Variants in OSBPL11 observed in about 807,000 individuals in gnomAD.
OSBPL11 encodes the protein oxysterol-binding protein-related protein 11.
In OSBPL11, 33 loss-of-function variants were observed where a neutral mutation model predicts 84.4. The observed-to-expected ratio is 0.39, with a 90% CI of 0.30 to 0.52. OSBPL11 has a LOEUF of 0.52. OSBPL11 is among the 20% of genes least tolerant of loss of function. The pLI is 0.72. For missense variants in OSBPL11, 736 were observed against 901.1 expected (o/e 0.82, Z 2.35); for synonymous variants, 276 against 310.2 (o/e 0.89, Z 1.16).
intron 10 of OSBPL11, among the ~76,000 whole-genome samples, chr3:125,544,472 C>A (rs961649144): frequency 2.6e-5 from 4 of 152,090 alleles, no homozygotes; most frequent in Admixed American, 6.6e-5. Context: ...TTAAATAATT[C>A]CCTTTAACAG....
At chr3:125,569,117 T>C (rs1936207318) in intron 5 of OSBPL11, among the ~76,000 whole-genome samples, 1 of 152,082 alleles carries the variant, frequency 6.6e-6, no homozygotes, top group African/African-American at 2.4e-5. Context: ...GCTAATTTTT[T>C]GTATTTTTTT....
At chr3:125,554,347 T>C (rs1047678406) in intron 8 of OSBPL11, among the ~76,000 whole-genome samples, 4 of 152,240 alleles carry the variant, frequency 2.6e-5, no homozygotes, top group Non-Finnish European at 5.9e-5. Flanking sequence ...TTAACTCCTT[T>C]TGGAGTCACC....
In OSBPL11 at chr3:125,576,256, T is replaced by C. The variant is rs1257142461; in HGVS notation, c.599A>G (p.His200Arg). The C allele has an allele frequency of 6.2e-7, 1 of 1,611,328 alleles. No individual in the cohort carries two copies. The highest frequency in any genetic ancestry group is 2.2e-5 in the East Asian group (1 of 44,610). ...QNAISFFNVGHSKLQSLSKRT... is the reference protein window; with the variant it reads ...QNAISFFNVGRSKLQSLSKRT... ...TTTGCTCAGTGATTGCAGTTTGGAA[T>C]GTCCAACATTAAAAAAAGAAATGGC... Residue 200 changes from histidine (H) to arginine (R), a missense_variant, in exon 5 of 13, where the codon CAT becomes CGT. By Grantham distance (29) the His-to-Arg change is conservative. Coordinates refer to ENST00000296220, the MANE Select transcript of OSBPL11 (RefSeq NM_022776.5).
At chr3:125,568,848 G>C (rs1476977842) in intron 5 of OSBPL11, among the ~76,000 whole-genome samples, 1 of 152,190 alleles carries the variant, frequency 6.6e-6, no homozygotes, top group African/African-American at 2.4e-5. Flanking sequence ...TGAGCAGAAG[G>C]CTCTCTAATG....
chr3:125,584,186 G>A (rs537546539), intron 1 of OSBPL11, among the ~76,000 whole-genome samples: 1 of 152,044 alleles, frequency 6.6e-6, no homozygotes, highest in Non-Finnish European at 1.5e-5. Flanking sequence ...CCAACATGGT[G>A]AAACCCCATC....
chr3:125,561,116 C>T (rs1471017374), intron 7 of OSBPL11, among the ~76,000 whole-genome samples: 1 of 151,824 alleles, frequency 6.6e-6, no homozygotes, highest in African/African-American at 2.4e-5. Context: ...TCCTGCCTCA[C>T]CCTCCCAAGT....
intron 1 of OSBPL11, among the ~76,000 whole-genome samples, chr3:125,584,757 T>A (rs1288789198): frequency 6.6e-6 from 1 of 152,198 alleles, no homozygotes; most frequent in Non-Finnish European, 1.5e-5. Context: ...AAAACAAAAT[T>A]TTTATTTCAA....
chr3:125,595,137 C>A lies in OSBPL11; in HGVS notation c.-337G>T. The A allele has an allele frequency of 5.3e-6, 1 of 187,032 alleles. No individual in the cohort carries two copies. Among genetic ancestry groups the A allele is most frequent in the Non-Finnish European group, 1.1e-5 (1 of 88,834 alleles). 11.6% of individuals were successfully genotyped at this position (187,032 alleles called of 1,614,324 possible). A position where few individuals can be genotyped will look rare whatever the true frequency, so the allele number is the denominator to read the frequency against. ...TGTGGGGAGGTCGCAGATTCTGTAG[C>A]CAAGACGGCTGGGAAAAGGACGGAG... is the stretch of plus-strand genomic sequence containing the variant. On this transcript the variant is annotated 5_prime_UTR_variant, in exon 1 of 13. Coordinates refer to ENST00000296220, the MANE Select transcript of OSBPL11 (RefSeq NM_022776.5).
chr3:125,565,189 A>G (rs1936135929), intron 6 of OSBPL11, among the ~76,000 whole-genome samples: 1 of 152,104 alleles, frequency 6.6e-6, no homozygotes, highest in Non-Finnish European at 1.5e-5. Flanking sequence ...AGCTGCAGTG[A>G]GCCATGATGG....
chr3:125,534,583 G>GT (rs1935612062), intron 11 of OSBPL11, among the ~76,000 whole-genome samples: 1 of 148,562 alleles, frequency 6.7e-6, no homozygotes, highest in African/African-American at 2.5e-5. Context: ...AAGTTCATGA[G>GT]TTAAAAAAAA....
chr3:125,531,303 T>C (rs1935551838), intron 12 of OSBPL11, among the ~76,000 whole-genome samples: 1 of 144,448 alleles, frequency 6.9e-6, no homozygotes, highest in Non-Finnish European at 1.5e-5. Context: ...CTTTTTTTTT[T>C]TTTTGGAGAC....
intron 1 of OSBPL11, among the ~76,000 whole-genome samples, chr3:125,585,535 T>C (rs1277388661): frequency 1.0e-5 from 1 of 95,992 alleles, no homozygotes; most frequent in Non-Finnish European, 1.9e-5. Flanking sequence ...GTTAGCTTTC[T>C]GAAAAAAAAA....
chr3:125,568,459 C>G (rs990784781), intron 5 of OSBPL11, among the ~76,000 whole-genome samples: 5 of 151,562 alleles, frequency 3.3e-5, no homozygotes, highest in Non-Finnish European at 7.4e-5. Flanking sequence ...GAATATTAAG[C>G]CATCAAGTTA....
At chr3:125,571,936 C>A (rs567751670) in intron 5 of OSBPL11, among the ~76,000 whole-genome samples, 50 of 152,356 alleles carry the variant, frequency 3.3e-4, no homozygotes, top group African/African-American at 1.2e-3. Context: ...TCCTCCAAAA[C>A]TCAGAATGTT....
At chr3:125,548,331 A>G (rs1269924796) in intron 9 of OSBPL11, among the ~76,000 whole-genome samples, 1 of 152,218 alleles carries the variant, frequency 6.6e-6, no homozygotes, top group Non-Finnish European at 1.5e-5. Flanking sequence ...AAGACAGTAT[A>G]ATGGGAAAAA....
intron 10 of OSBPL11, among the ~76,000 whole-genome samples, chr3:125,546,906 A>G (rs934424714): frequency 1.2e-4 from 18 of 152,116 alleles, no homozygotes; most frequent in African/African-American, 4.3e-4. Flanking sequence ...AATGACAAAA[A>G]AAAAAAATGC....
chr3:125,593,237 C>T (rs1412033180), intron 1 of OSBPL11, among the ~76,000 whole-genome samples: 3 of 152,116 alleles, frequency 2.0e-5, no homozygotes, highest in Admixed American at 6.5e-5. Flanking sequence ...CACACACATA[C>T]AAAAAAATCA....
chr3:125,576,863 T>C (rs953553707), intron 4 of OSBPL11, among the ~76,000 whole-genome samples: 2 of 152,216 alleles, frequency 1.3e-5, no homozygotes. Flanking sequence ...TTTGTATGTT[T>C]AGTAGAGACA....
At chr3:125,544,213 G>A (rs777975762) in intron 10 of OSBPL11, among the ~76,000 whole-genome samples, 47 of 151,302 alleles carry the variant, frequency 3.1e-4, no homozygotes, top group African/African-American at 1.1e-3. Flanking sequence ...GCACCACCAC[G>A]CCCAGCTATT....
Sources: allele counts gnomAD v4.1 joint callset (sites outside exome capture counted in the v4.1 genomes callset), GRCh38; gene constraint gnomAD v4.1.1; transcripts MANE v1.5; gene names NCBI Gene and HGNC (gene_info 2026-07-23, HGNC 2026-07-21).